Variants in RPTOR observed in about 807,000 individuals in gnomAD.
RPTOR encodes regulatory-associated protein of mTOR.
RPTOR carries 21 observed loss-of-function variants against 169.9 expected under a neutral mutation model. That is an observed-to-expected ratio of 0.12 (90% CI 0.09 to 0.18). The LOEUF (loss-of-function observed/expected upper bound fraction) is 0.18. Ranked by LOEUF, RPTOR falls within the 10% of genes least tolerant of loss-of-function variation. The pLI is 1.00. For missense variants in RPTOR, 1,133 were observed against 1,855.9 expected, an observed-to-expected ratio of 0.61 and a Z score of 7.16; for synonymous variants, 732 against 753.2, an observed-to-expected ratio of 0.97 and a Z score of 0.46.
At chr17:80,943,109 C>G (rs923612682) in intron 25 of RPTOR, among the ~76,000 whole-genome samples, 1 of 152,192 alleles carries the variant, frequency 6.6e-6, no homozygotes, top group Non-Finnish European at 1.5e-5. Flanking sequence ...CCCGAGGTGC[C>G]GAGCACACAC....
At chr17:80,585,282 G>T (rs952319005) in intron 1 of RPTOR, among the ~76,000 whole-genome samples, 1 of 151,060 alleles carries the variant, frequency 6.6e-6, no homozygotes, top group Non-Finnish European at 1.5e-5. Flanking sequence ...TCGACTCACT[G>T]CAAACTCCGC....
chr17:80,835,799 C>T (rs998195813), intron 9 of RPTOR, among the ~76,000 whole-genome samples: 2 of 152,324 alleles, frequency 1.3e-5, no homozygotes, highest in Admixed American at 6.5e-5. Context: ...CTGAAAATAT[C>T]GGAAACCCAA....
chr17:80,857,978 G>A, intron 13 of RPTOR, 78 bp downstream of exon 13: 1 of 1,141,502 alleles, frequency 8.8e-7, no homozygotes, highest in Non-Finnish European at 1.3e-6. Context: ...TGCGTTTCCA[G>A]CCTGCCCTTT....
At chr17:80,570,962 T>C (rs2064899266) in intron 1 of RPTOR, among the ~76,000 whole-genome samples, 2 of 152,214 alleles carry the variant, frequency 1.3e-5, no homozygotes, top group African/African-American at 4.8e-5. Flanking sequence ...GACAACTAAT[T>C]TGCAAGGCTA....
chr17:80,901,313 T>C (rs2068473678), intron 20 of RPTOR, among the ~76,000 whole-genome samples: 1 of 152,170 alleles, frequency 6.6e-6, no homozygotes, highest in African/African-American at 2.4e-5. Flanking sequence ...GGTTCTTTCT[T>C]TTCTGTCTTC....
intron 24 of RPTOR, among the ~76,000 whole-genome samples, chr17:80,933,844 G>A (rs941616204): frequency 3.4e-4 from 51 of 152,208 alleles, no homozygotes; most frequent in Non-Finnish European, 6.5e-4. Context: ...CAATTTAGGC[G>A]AGATAGACAA....
intron 24 of RPTOR, among the ~76,000 whole-genome samples, chr17:80,939,221 G>C (rs572455461): frequency 6.6e-6 from 1 of 152,348 alleles, no homozygotes; most frequent in East Asian, 1.9e-4. Flanking sequence ...TTAAGGAAAT[G>C]CATCTGCGTA....
chr17:80,743,481 G>A (rs2066505540), intron 5 of RPTOR: 1 of 984,180 alleles, frequency 1.0e-6, no homozygotes. Context: ...CCACTTGTGT[G>A]GGGAGCTCCA....
chr17:80,830,235 T>G (rs968440569), intron 9 of RPTOR, among the ~76,000 whole-genome samples: 3 of 152,128 alleles, frequency 2.0e-5, no homozygotes, highest in Non-Finnish European at 2.9e-5. Context: ...GGCCTCAGTT[T>G]CCAGAGAACA....
chr17:80,607,618 T>TAG (rs2065238541), intron 1 of RPTOR, among the ~76,000 whole-genome samples: 1 of 149,332 alleles, frequency 6.7e-6, no homozygotes, highest in Non-Finnish European at 1.5e-5. Flanking sequence ...TATATATATA[T>TAG]AATTATTTTT....
At chr17:80,828,625 C>T (rs977929560) in intron 9 of RPTOR, among the ~76,000 whole-genome samples, 1 of 152,234 alleles carries the variant, frequency 6.6e-6, no homozygotes, top group African/African-American at 2.4e-5. Context: ...CCGTGCTCAC[C>T]CTGCCTTTGA....
At chr17:80,698,547 G>A (rs527785295) in intron 3 of RPTOR, among the ~76,000 whole-genome samples, 4 of 152,180 alleles carry the variant, frequency 2.6e-5, no homozygotes, top group South Asian at 2.1e-4. Flanking sequence ...CTGGAGTTAC[G>A]TGGGGGCACC....
rs764974308 is a variant in RPTOR, at chr17:80,558,007, A to C, written c.162+12216A>C. On this transcript the variant is annotated intron_variant, in intron 1 of 33. Transcript: ENST00000306801. ...TTTGGCATTGCAAATCAATGCTTTAACTGTGTTCTAGGCTGGGCACAGTGG... is the reference window on the plus strand; with the variant it reads ...TTTGGCATTGCAAATCAATGCTTTACCTGTGTTCTAGGCTGGGCACAGTGG... 1.6e-4 allele frequency among the ~76,000 whole-genome samples: 24 copies of C among 152,248 alleles called. No individual in the cohort carries two copies. The South Asian group carries it at 2.3e-3, about 14-fold the overall frequency.
rs1443641804 is a variant in RPTOR at position 80,699,057 on chromosome 17, GGTGTTGGAGCAAA to G, written c.349-8783_349-8771del. 9.2e-5 allele frequency among the ~76,000 whole-genome samples: 14 copies of G among 152,274 alleles called. No homozygotes were observed. In the East Asian group the frequency reaches 2.3e-3, roughly 25 times the overall value. On this transcript the variant is annotated intron_variant, in intron 3 of 33. Transcript: ENST00000306801. ...GTTAGATTGTCTGCTAAGGAAAGTG[GGTGTTGGAGCAAA>G]AGCCTTGCTTCACTGCTGTACTCCA...
chr17:80,857,056 G>A (rs1426359139), intron 12 of RPTOR, among the ~76,000 whole-genome samples: 2 of 152,130 alleles, frequency 1.3e-5, no homozygotes, highest in Non-Finnish European at 2.9e-5. Context: ...ATACCTTTAG[G>A]ATATCTTTGA....
Position 80,959,425 on chromosome 17 carries a change from C to T in RPTOR, c.3478-653C>T, listed in dbSNP as rs939075103. Among the ~76,000 whole-genome samples the T allele has an allele frequency of 6.6e-6, 1 of 152,178 alleles. No individual in the cohort carries two copies. Among genetic ancestry groups the T allele is most frequent in the African/African-American group, 2.4e-5 (1 of 41,446 alleles). The stretch of plus-strand genomic sequence containing the variant: ...TGCTCCCAGAGCCGGCTCTGCCCCT[C>T]GCAGGGGTCTGGCCCCATCATCCCC... On this transcript the variant is annotated intron_variant, in intron 29 of 33. Coordinates refer to ENST00000306801, the MANE Select transcript of RPTOR (RefSeq NM_020761.3). This position sits in a 1 kb window ranked among gnomAD's most constrained non-coding sequence, Gnocchi z 6.7.
At chr17:80,591,551 G>C (rs2079803324) in intron 1 of RPTOR, among the ~76,000 whole-genome samples, 1 of 151,258 alleles carries the variant, frequency 6.6e-6, no homozygotes, top group Admixed American at 6.6e-5. Context: ...GCTCATTTTT[G>C]TAATTTTAGT....
chr17:80,947,216 C>T lies in RPTOR; in HGVS notation c.3141-11C>T. Reference sequence around the variant, plus strand: ...CTAATGACTTTTTTATTCCTCTCTTCTTCCCTTAAGCTTTTGGGACTGGGA... The same window carrying T: ...CTAATGACTTTTTTATTCCTCTCTTTTTCCCTTAAGCTTTTGGGACTGGGA... On this transcript the variant is annotated splice_polypyrimidine_tract_variant and intron_variant, in intron 26 of 33. Transcript: ENST00000306801. This position sits in a 1 kb window ranked among gnomAD's most constrained non-coding sequence, Gnocchi z 4.4. 6.3e-7 allele frequency: 1 copy of T among 1,575,172 alleles called. No homozygotes were observed. The highest frequency in any genetic ancestry group is 1.4e-5 in the African/African-American group (1 of 72,864).
intron 3 of RPTOR, among the ~76,000 whole-genome samples, chr17:80,676,715 G>A (rs1299975493): frequency 6.6e-6 from 1 of 152,244 alleles, no homozygotes; most frequent in African/African-American, 2.4e-5. Context: ...AGGCCTGGAA[G>A]CCTGCGTGGT....
Sources: gnomAD v4.1 joint callset for allele counts (sites outside exome capture counted in the v4.1 genomes callset) on GRCh38, gnomAD v4.1.1 for gene constraint, Gnocchi (gnomAD v3.1) non-coding constraint, MANE v1.5 for transcripts, NCBI Gene and HGNC (gene_info 2026-07-23, HGNC 2026-07-21) for gene names.